SLC44A1: variants seen among roughly 807,000 people sequenced by gnomAD.
The protein encoded by SLC44A1 is choline transporter-like protein 1.
A neutral mutation model predicts 79.3 loss-of-function variants in SLC44A1; 26 were observed. The observed-to-expected ratio is 0.33, with a 90% CI of 0.24 to 0.46. SLC44A1 has a LOEUF of 0.46. Ranked by LOEUF, SLC44A1 falls within the 20% of genes least tolerant of loss-of-function variation. The pLI is 1.00. For synonymous variants in SLC44A1, 263 were observed against 286.2 expected, an observed-to-expected ratio of 0.92 and a Z score of 0.82; for missense variants, 688 against 798.1, an observed-to-expected ratio of 0.86 and a Z score of 1.66.
intron 4 of SLC44A1, among the ~76,000 whole-genome samples, chr9:105,338,184 A>G (rs1442679002): frequency 5.3e-5 from 8 of 152,316 alleles, no homozygotes; most frequent in Admixed American, 5.2e-4. Flanking sequence ...AAATTATATC[A>G]GAGAGAGAGC....
chr9:105,371,969 C>T (rs1433637165), intron 12 of SLC44A1, among the ~76,000 whole-genome samples: 2 of 152,066 alleles, frequency 1.3e-5, no homozygotes, highest in Non-Finnish European at 2.9e-5. Context: ...TTCATTGAGG[C>T]ACTTGGCAGA....
chr9:105,309,757 G>A lies in SLC44A1; in HGVS notation c.160G>A (p.Ala54Thr). Reference protein sequence around the residue: ...FICGFSIATGAAARLVSGYDS... With the variant: ...FICGFSIATGTAARLVSGYDS... ...TTGTGGCTTTTCAATAGCAACAGGT[G>A]CAGCAGCAAGACTAGTGTCAGGATA... The change falls in exon 3 of 16, where the codon GCA (alanine) becomes ACA (threonine). Residue 54 changes from alanine to threonine, a missense_variant. Physicochemically the swap from Ala to Thr is moderately conservative, Grantham distance 58. Coordinates refer to ENST00000374720, the MANE Select transcript of SLC44A1 (RefSeq NM_080546.5). 5.0e-6 allele frequency: 8 copies of A among 1,613,858 alleles called. No individual in the cohort carries two copies. Among genetic ancestry groups the A allele is most frequent in the Non-Finnish European group, 6.8e-6 (8 of 1,179,794 alleles).
chr9:105,352,499 CATT>C (rs538367751), intron 5 of SLC44A1, among the ~76,000 whole-genome samples: 14 of 152,244 alleles, frequency 9.2e-5, no homozygotes, highest in Middle Eastern at 3.4e-3. Context: ...TTAAAAGACT[CATT>C]ATAAGTTCAT....
chr9:105,322,819 G>T (rs1320215076), intron 3 of SLC44A1, among the ~76,000 whole-genome samples: 1 of 151,946 alleles, frequency 6.6e-6, no homozygotes, highest in Non-Finnish European at 1.5e-5. Context: ...TTGTATAATT[G>T]AATGAATATT....
chr9:105,366,275 A>G, intron 11 of SLC44A1, 71 bp from the exon 12 acceptor site: 8 of 723,224 alleles, frequency 1.1e-5, no homozygotes, highest in Non-Finnish European at 1.8e-5. Flanking sequence ...TATTTTTCTA[A>G]CGTTTGAAGT....
chr9:105,289,926 G>C (rs933905928), intron 1 of SLC44A1, among the ~76,000 whole-genome samples: 1 of 151,476 alleles, frequency 6.6e-6, no homozygotes, highest in Non-Finnish European at 1.5e-5. Context: ...TGATTCTCCT[G>C]CCTCAGCCTC....
At chr9:105,253,333 G>A (rs556846253) in intron 1 of SLC44A1, among the ~76,000 whole-genome samples, 4 of 152,268 alleles carry the variant, frequency 2.6e-5, no homozygotes, top group South Asian at 4.1e-4. Flanking sequence ...AGCAGGGAAG[G>A]TATTAAAGTT....
chr9:105,417,170 G>A lies in SLC44A1; in HGVS notation c.1951-21111G>A, dbSNP rs529451973. 1.1e-4 allele frequency among the ~76,000 whole-genome samples: 16 copies of A among 152,208 alleles called. No individual in the cohort carries two copies. In the South Asian group the frequency reaches 2.3e-3, roughly 22 times the overall value. ...CACACAGACCCCAGAAAATCCCATC[G>A]GTGTCCTTACTGGGGCCAAACACTG... is the stretch of plus-strand genomic sequence containing the variant. On this transcript the variant is annotated intron_variant, in intron 15 of 15. Coordinates refer to the SLC44A1 transcript ENST00000374724.
At chr9:105,262,011 T>G (rs138020145) in intron 1 of SLC44A1, among the ~76,000 whole-genome samples, 6,244 of 152,106 alleles carry the variant, frequency 0.041, 430 homozygotes, top group African/African-American at 0.14. Context: ...CTCGAACTCC[T>G]GACCTCAGGT....
chr9:105,383,080 T>C lies in SLC44A1; in HGVS notation c.1633-43T>C, dbSNP rs778920614. ...AAATGGTGAAAAAAGAGTGGCTTTCTTCAGTAGGATATTAAATATGATCTT... is the reference window on the plus strand; with the variant it reads ...AAATGGTGAAAAAAGAGTGGCTTTCCTCAGTAGGATATTAAATATGATCTT... On this transcript the variant is annotated intron_variant, in intron 13 of 15. Transcript: ENST00000374720. 23 of 1,406,678 alleles carry C rather than the reference T, an allele frequency of 1.6e-5. 1 individual carries two copies. The Admixed American group carries it at 3.8e-4, about 23-fold the overall frequency. The allele number at this position is 1,406,678 out of a possible 1,614,324, so 87.1% of individuals were successfully genotyped here. A position where few individuals can be genotyped will look rare whatever the true frequency, so the allele number is the denominator to read the frequency against.
chr9:105,383,018 C>T, intron 13 of SLC44A1, 105 bp from the exon 14 acceptor site: 1 of 760,224 alleles, frequency 1.3e-6, no homozygotes, highest in Non-Finnish European at 2.2e-6. Context: ...TGGCCTCATG[C>T]AACCATCATT....
intron 13 of SLC44A1, among the ~76,000 whole-genome samples, chr9:105,377,848 C>CTT (rs1345675976): frequency 6.6e-6 from 1 of 151,980 alleles, no homozygotes; most frequent in East Asian, 1.9e-4. Flanking sequence ...CCTGTTAAAA[C>CTT]TTTTTATTAT....
At chr9:105,354,176 G>A (rs1025026594) in intron 5 of SLC44A1, among the ~76,000 whole-genome samples, 10 of 142,738 alleles carry the variant, frequency 7.0e-5, no homozygotes, top group Non-Finnish European at 3.0e-5. Context: ...TCAGCCTCCC[G>A]AGTAGCTGGG....
intron 10 of SLC44A1, among the ~76,000 whole-genome samples, chr9:105,365,043 C>G (rs1266816465): frequency 6.6e-6 from 1 of 152,132 alleles, no homozygotes; most frequent in African/African-American, 2.4e-5. Flanking sequence ...CAAAGGACAA[C>G]AAGTCTTTTT....
intron 13 of SLC44A1, 145 bp from the exon 14 acceptor site, chr9:105,382,978 G>A (rs914820605): frequency 1.5e-5 from 9 of 612,910 alleles, no homozygotes; most frequent in Admixed American, 8.4e-5. Context: ...ATGAGAATAT[G>A]TGGATTATAT....
chr9:105,332,419 C>T (rs534471955), intron 3 of SLC44A1, among the ~76,000 whole-genome samples: 68 of 152,254 alleles, frequency 4.5e-4, no homozygotes, highest in South Asian at 2.1e-3. Flanking sequence ...TGCACCTGGC[C>T]AGCTTAATAT....
rs1828703289 is a variant in SLC44A1 at position 105,389,185 on chromosome 9, A to T, written c.*129A>T. ...TGTATATATGTATATGTATATACAC[A>T]CACACACATAAATCAGCCAAAATCA... On this transcript the variant is annotated 3_prime_UTR_variant, in exon 16 of 16. Transcript: ENST00000374720. 1 of 1,384,570 alleles carries T rather than the reference A, an allele frequency of 7.2e-7. No homozygotes were observed. The highest frequency in any genetic ancestry group is 1.4e-5 in the African/African-American group (1 of 69,282). 85.8% of individuals were successfully genotyped at this position (1,384,570 alleles called of 1,614,324 possible). A position where few individuals can be genotyped will look rare whatever the true frequency, so the allele number is the denominator to read the frequency against.
At chr9:105,413,370 G>A (rs1046085551) in intron 15 of SLC44A1, among the ~76,000 whole-genome samples, 1 of 152,148 alleles carries the variant, frequency 6.6e-6, no homozygotes, top group Non-Finnish European at 1.5e-5. Flanking sequence ...GAAGAATACT[G>A]GCAATTTCCA....
chr9:105,297,200 A>G (rs1830747130), intron 1 of SLC44A1, among the ~76,000 whole-genome samples: 1 of 152,206 alleles, frequency 6.6e-6, no homozygotes, highest in African/African-American at 2.4e-5. Context: ...GTTCATAACA[A>G]TTATACAGTG....
Sources: gnomAD v4.1 joint callset for allele counts (sites outside exome capture counted in the v4.1 genomes callset) on GRCh38, gnomAD v4.1.1 for gene constraint, MANE v1.5 for transcripts, NCBI Gene and HGNC (gene_info 2026-07-23, HGNC 2026-07-21) for gene names.